SLC4A5: variants seen among roughly 807,000 people sequenced by gnomAD.
The protein encoded by SLC4A5 is solute carrier family 4 member 5, also known as electrogenic sodium bicarbonate cotransporter 4.
In SLC4A5, 96 loss-of-function variants were observed where a neutral mutation model predicts 120.4. The observed-to-expected ratio is 0.80, with a 90% CI of 0.68 to 0.94. The LOEUF is 0.94. SLC4A5 is among the 40% of genes least tolerant of loss of function. The probability of loss-of-function intolerance (pLI) is 0.00; values close to 1 mark genes in which losing one functional copy is unlikely to be tolerated. For synonymous variants in SLC4A5, 550 were observed against 571.1 expected (o/e 0.96, Z 0.53); for missense variants, 1,259 against 1,459.5 (o/e 0.86, Z 2.24).
At chr2:74,260,674 C>G (rs1375846227) in intron 11 of SLC4A5, among the ~76,000 whole-genome samples, 1 of 152,056 alleles carries the variant, frequency 6.6e-6, no homozygotes, top group African/African-American at 2.4e-5. Context: ...TACTTCCCAC[C>G]AGTACTTCAA....
chr2:74,310,293 C>G (rs1047516780), intron 6 of SLC4A5, among the ~76,000 whole-genome samples: 1 of 152,094 alleles, frequency 6.6e-6, no homozygotes, highest in Non-Finnish European at 1.5e-5. Flanking sequence ...CATTTATTTC[C>G]TTTCCTTGTC....
intron 2 of SLC4A5, among the ~76,000 whole-genome samples, chr2:74,339,896 A>G (rs1673585455): frequency 6.6e-6 from 1 of 152,262 alleles, no homozygotes; most frequent in African/African-American, 2.4e-5. Flanking sequence ...TACAACATGA[A>G]TGAACTTAAG....
chr2:74,340,610 G>A (rs1000853602), intron 2 of SLC4A5, among the ~76,000 whole-genome samples: 3 of 152,152 alleles, frequency 2.0e-5, no homozygotes, highest in African/African-American at 7.2e-5. Context: ...GGAAAAAGCT[G>A]GCCTTTGAGG....
At chr2:74,304,620 T>C (rs759426717) in exon 7 of SLC4A5, 1 of 1,614,184 alleles carries the variant, frequency 6.2e-7, no homozygotes, top group East Asian at 2.2e-5. Flanking sequence ...ATGTCCCTTC[T>C]GGTCAGTTTT....
intron 8 of SLC4A5, among the ~76,000 whole-genome samples, chr2:74,282,703 G>A (rs1671851388): frequency 1.3e-5 from 2 of 152,200 alleles, no homozygotes; most frequent in Admixed American, 6.5e-5. Flanking sequence ...CAGGTCTCTG[G>A]GGGCCATAAG....
At chr2:74,293,710 G>A (rs886564646) in intron 7 of SLC4A5, among the ~76,000 whole-genome samples, 5 of 152,250 alleles carry the variant, frequency 3.3e-5, no homozygotes, top group Middle Eastern at 3.4e-3. Flanking sequence ...CTTTGTTCTT[G>A]TAATATAAAC....
At chr2:74,321,179 G>C (rs1322058500) in intron 5 of SLC4A5, among the ~76,000 whole-genome samples, 1 of 152,150 alleles carries the variant, frequency 6.6e-6, no homozygotes, top group Non-Finnish European at 1.5e-5. Context: ...ACCTGTGGAG[G>C]ATGCTGCTAG....
intron 21 of SLC4A5, among the ~76,000 whole-genome samples, chr2:74,235,541 G>C (rs1297153292): frequency 6.6e-6 from 1 of 152,212 alleles, no homozygotes; most frequent in Non-Finnish European, 1.5e-5. Flanking sequence ...GGCCATGGCA[G>C]CCACTGCTGA....
At chr2:74,306,762 A>AT in intron 6 of SLC4A5, 1 of 1,063,714 alleles carries the variant, frequency 9.4e-7, no homozygotes, top group Admixed American at 1.9e-5. Context: ...ATTCTCAGAC[A>AT]CCACTTTGCC....
At chr2:74,239,364 ACTT>A in exon 21 of SLC4A5, 1 of 1,614,154 alleles carries the variant, frequency 6.2e-7, no homozygotes, top group Admixed American at 1.7e-5. Flanking sequence ...CTGAATTTGA[ACTT>A]CTTCAGGGTC....
intron 3 of SLC4A5, among the ~76,000 whole-genome samples, chr2:74,334,957 G>C (rs974416821): frequency 6.6e-6 from 1 of 150,926 alleles, no homozygotes; most frequent in African/African-American, 2.5e-5. Flanking sequence ...ATTCCTAGCA[G>C]CTTGCAGGAG....
At chr2:74,218,003 C>CGT (rs1302485592) in exon 31 of SLC4A5, 1 of 152,204 alleles carries the variant, frequency 6.6e-6, no homozygotes, top group African/African-American at 2.4e-5. Context: ...GGGGTTTCAC[C>CGT]GTGTTGCCTA....
chr2:74,254,568 T>C (rs1446125962), intron 14 of SLC4A5, 51 bp downstream of exon 14: 2 of 1,417,912 alleles, frequency 1.4e-6, no homozygotes, highest in Non-Finnish European at 1.0e-6. Flanking sequence ...GTGCAGTGCT[T>C]GGTGCAGGAG....
rs577560970 is a variant in SLC4A5, at chr2:74,302,789, C to G, written c.271+1700G>C. 4.3e-4 allele frequency among the ~76,000 whole-genome samples: 65 copies of G among 152,280 alleles called. No individual in the cohort carries two copies. The South Asian group carries it at 0.013, about 31-fold the overall frequency. On this transcript the variant is annotated intron_variant, in intron 7 of 30. Coordinates refer to ENST00000394019, the Ensembl canonical transcript of SLC4A5. ...TCTAAACTCTTTGAGCAGAGGGCAC[C>G]AAATCTAAACTGCTTTCTTCTTCTC...
chr2:74,293,887 T>C (rs1672249903), intron 7 of SLC4A5, among the ~76,000 whole-genome samples: 2 of 152,294 alleles, frequency 1.3e-5, no homozygotes, highest in Non-Finnish European at 1.5e-5. Flanking sequence ...GTGTAAAGGT[T>C]ATAAAAGAAT....
intron 25 of SLC4A5, among the ~76,000 whole-genome samples, chr2:74,228,366 AC>A (rs1300691760): frequency 1.3e-5 from 2 of 152,246 alleles, no homozygotes; most frequent in Non-Finnish European, 2.9e-5. Context: ...GGTGGCTCAC[AC>A]CTGTAGTCCT....
In SLC4A5 at chr2:74,264,435, GC is replaced by G. The variant is rs1005338667; in HGVS notation, c.563-137del. On this transcript the variant is annotated intron_variant, in intron 9 of 30. Coordinates refer to ENST00000394019, the Ensembl canonical transcript of SLC4A5. ...GGAAGTACTCCTGGCTTTGCCACTA[GC>G]TGTGGAAAACTGGGCACATCACCAA... 3.4e-5 allele frequency: 35 copies of G among 1,029,420 alleles called. 1 individual carries two copies. In the African/African-American group the frequency reaches 5.1e-4, roughly 15 times the overall value. The allele number at this position is 1,029,420 out of a possible 1,614,324, so 63.8% of individuals were successfully genotyped here. A position where few individuals can be genotyped will look rare whatever the true frequency, so the allele number is the denominator to read the frequency against.
chr2:74,231,399 G>A, intron 24 of SLC4A5, 91 bp from the exon 25 acceptor site: 6 of 1,230,986 alleles, frequency 4.9e-6, no homozygotes, highest in South Asian at 1.5e-5. Flanking sequence ...CCTGAAGCTT[G>A]TGTCCAAGGC....
At chr2:74,303,515 A>T (rs1214971253) in intron 7 of SLC4A5, among the ~76,000 whole-genome samples, 1 of 152,252 alleles carries the variant, frequency 6.6e-6, no homozygotes, top group South Asian at 2.1e-4. Flanking sequence ...CAGAAACATC[A>T]GTAAAGTCAC....
Sources: allele counts gnomAD v4.1 joint callset (sites outside exome capture counted in the v4.1 genomes callset), GRCh38; gene constraint gnomAD v4.1.1; transcripts MANE v1.5; gene names NCBI Gene and HGNC (gene_info 2026-07-23, HGNC 2026-07-21).